Variants in RFTN1 observed in about 807,000 individuals in gnomAD.
The protein encoded by RFTN1 is raftlin, lipid raft linker 1.
RFTN1 carries 26 observed loss-of-function variants against 46.5 expected under a neutral mutation model. The observed-to-expected ratio is 0.56, with a 90% CI of 0.41 to 0.78. The LOEUF (loss-of-function observed/expected upper bound fraction) is 0.78. Among genes scored for constraint, RFTN1 ranks in the 30% least tolerant of loss-of-function variants. The pLI is 0.00. For missense variants in RFTN1, 693 were observed against 718.7 expected (o/e 0.96, Z 0.41); for synonymous variants, 261 against 284.2 (o/e 0.92, Z 0.82).
Position 16,460,243 on chromosome 3 carries a change from A to G in RFTN1, c.146-26206T>C, listed in dbSNP as rs1387455461. Among the ~76,000 whole-genome samples the G allele has an allele frequency of 6.6e-6, 1 of 152,184 alleles. No individual in the cohort carries two copies. Among genetic ancestry groups the G allele is most frequent in the Non-Finnish European group, 1.5e-5 (1 of 68,036 alleles). On this transcript the variant is annotated intron_variant, in intron 2 of 9. Transcript: ENST00000334133. This position sits in a 1 kb window ranked among gnomAD's most constrained non-coding sequence, Gnocchi z 4.8. ...TCTATTGTGTTATTTTGATATTTGT[A>G]CATTTACTGGGATCTGGCAGGATGA... is the stretch of plus-strand genomic sequence containing the variant.
At chr3:16,508,001 T>C (rs987260543) in intron 1 of RFTN1, among the ~76,000 whole-genome samples, 1 of 152,208 alleles carries the variant, frequency 6.6e-6, no homozygotes, top group African/African-American at 2.4e-5. Flanking sequence ...GCATCTGGCT[T>C]CCTGGTTGAA....
At chr3:16,388,102 A>T (rs1321534321) in intron 4 of RFTN1, among the ~76,000 whole-genome samples, 1 of 152,182 alleles carries the variant, frequency 6.6e-6, no homozygotes, top group African/African-American at 2.4e-5. Context: ...CTCAGGCCAC[A>T]TCCCAAACTC....
In RFTN1 at chr3:16,469,183, G is replaced by A. The variant is rs766822237; in HGVS notation, c.145+24542C>T. On this transcript the variant is annotated intron_variant, in intron 2 of 9. Transcript: ENST00000334133. ...GCACTAAGGTTCAAATCCTAGCTGC[G>A]CAACTCCCTAGCAGTTTTCTCATCT... 1.4e-4 allele frequency among the ~76,000 whole-genome samples: 21 copies of A among 152,230 alleles called. 1 individual carries two copies. Among genetic ancestry groups the A allele is most frequent in the African/African-American group, 2.7e-4 (11 of 41,454 alleles).
chr3:16,393,032 C>T (rs1307349308), intron 4 of RFTN1, among the ~76,000 whole-genome samples: 5 of 151,370 alleles, frequency 3.3e-5, no homozygotes, highest in African/African-American at 1.2e-4. Context: ...TGAGCACATG[C>T]TAAATGACCT....
At chr3:16,485,083 T>C (rs2076425761) in intron 2 of RFTN1, among the ~76,000 whole-genome samples, 1 of 152,204 alleles carries the variant, frequency 6.6e-6, no homozygotes, top group Non-Finnish European at 1.5e-5. Flanking sequence ...TAAACATGTA[T>C]TTAGCATAAA....
In RFTN1 at chr3:16,427,091, T is replaced by G. The variant is rs538878826; in HGVS notation, c.332+6760A>C. 1.3e-5 allele frequency among the ~76,000 whole-genome samples: 2 copies of G among 152,272 alleles called. No homozygotes were observed. Among genetic ancestry groups the G allele is most frequent in the South Asian group, 4.1e-4 (2 of 4,822 alleles). ...CTGATGTAAGCACTACACAGAAATC[T>G]TAGAGGCTGCAAGATGGCAGCCAGT... On this transcript the variant is annotated intron_variant, in intron 3 of 9. Transcript: ENST00000334133. The surrounding 1 kb of genome is among the most constrained non-coding windows in gnomAD (Gnocchi z 5.4).
intron 8 of RFTN1, among the ~76,000 whole-genome samples, chr3:16,324,009 A>G (rs1001982711): frequency 3.3e-5 from 5 of 151,948 alleles, no homozygotes; most frequent in African/African-American, 1.2e-4. Flanking sequence ...GGGAGGGGCG[A>G]CTCGTATCTT....
chr3:16,471,091 A>G (rs2076186790), intron 2 of RFTN1, among the ~76,000 whole-genome samples: 1 of 152,258 alleles, frequency 6.6e-6, no homozygotes, highest in Non-Finnish European at 1.5e-5. Flanking sequence ...AAAACCACAG[A>G]ATAAAGCAAA....
At chr3:16,396,378 TGAGA>T (rs2074470110) in intron 4 of RFTN1, among the ~76,000 whole-genome samples, 1 of 152,154 alleles carries the variant, frequency 6.6e-6, no homozygotes, top group South Asian at 2.1e-4. Flanking sequence ...GTGCACCTCT[TGAGA>T]GAAAGTGGTC....
chr3:16,374,484 G>C lies in RFTN1; in HGVS notation c.826+3234C>G, dbSNP rs1441438553. On this transcript the variant is annotated intron_variant, in intron 5 of 9. Transcript: ENST00000334133. The surrounding 1 kb of genome is among the most constrained non-coding windows in gnomAD (Gnocchi z 5.4). ...TCACATCAGGAAAGCCCAACCCCCA[G>C]GTTTTGGCCATTCACAATGAGCTGG... Among the ~76,000 whole-genome samples the C allele has an allele frequency of 6.6e-6, 1 of 152,194 alleles. No individual in the cohort carries two copies. Among genetic ancestry groups the C allele is most frequent in the South Asian group, 2.1e-4 (1 of 4,830 alleles).
chr3:16,440,546 G>A lies in RFTN1; in HGVS notation c.146-6509C>T, dbSNP rs540620334. 6.6e-6 allele frequency among the ~76,000 whole-genome samples: 1 copy of A among 152,242 alleles called. No individual in the cohort carries two copies. The highest frequency in any genetic ancestry group is 1.9e-4 in the East Asian group (1 of 5,168). On this transcript the variant is annotated intron_variant, in intron 2 of 9. Transcript: ENST00000334133. This position sits in a 1 kb window ranked among gnomAD's most constrained non-coding sequence, Gnocchi z 4.6. Reference sequence around the variant, plus strand: ...GAGTCTCATCTCCTTACTGGACAGAGGGCTTGGTGCAGATCCCAAAGCCAT... The same window carrying A: ...GAGTCTCATCTCCTTACTGGACAGAAGGCTTGGTGCAGATCCCAAAGCCAT...
rs1351986537 is a variant in RFTN1 at position 16,384,556 on chromosome 3, G to A, written c.442-6454C>T. ...AATTTCCCCCATTGTGCTTTGAGGA[G>A]AGCTGCTACACACCAGGTAAGGGAG... On this transcript the variant is annotated intron_variant, in intron 4 of 9. Transcript: ENST00000334133. The surrounding 1 kb of genome is among the most constrained non-coding windows in gnomAD (Gnocchi z 4.7). 6.6e-6 allele frequency among the ~76,000 whole-genome samples: 1 copy of A among 152,144 alleles called. No individual in the cohort carries two copies. The highest frequency in any genetic ancestry group is 1.5e-5 in the Non-Finnish European group (1 of 68,038).
intron 5 of RFTN1, among the ~76,000 whole-genome samples, chr3:16,371,558 T>C (rs1487171530): frequency 6.6e-6 from 1 of 152,364 alleles, no homozygotes; most frequent in Non-Finnish European, 1.5e-5. Flanking sequence ...TCACAAAGTC[T>C]TCTCACAGCC....
chr3:16,511,548 G>A (rs2076902474), intron 1 of RFTN1, among the ~76,000 whole-genome samples: 1 of 152,132 alleles, frequency 6.6e-6, no homozygotes, highest in African/African-American at 2.4e-5. Flanking sequence ...TAAAAAATGG[G>A]ATGGGGATAG....
rs573408128 is a variant in RFTN1, at chr3:16,467,897, G to A, written c.145+25828C>T. ...AAGAGCTTCATCCCTCACCCCACTC[G>A]TGCATTTTGGCAGCACCCACCTAAG... is the stretch of plus-strand genomic sequence containing the variant. On this transcript the variant is annotated intron_variant, in intron 2 of 9. Coordinates refer to ENST00000334133, the MANE Select transcript of RFTN1 (RefSeq NM_015150.2). Among the ~76,000 whole-genome samples the A allele has an allele frequency of 2.6e-5, 4 of 152,288 alleles. No individual in the cohort carries two copies. In the South Asian group the frequency reaches 6.2e-4, roughly 24 times the overall value.
intron 2 of RFTN1, among the ~76,000 whole-genome samples, chr3:16,445,486 C>CACACAA (rs1309446218): frequency 2.2e-5 from 3 of 138,904 alleles, no homozygotes; most frequent in Non-Finnish European, 4.6e-5. Flanking sequence ...CTCTCTCTCA[C>CACACAA]ACACACACAC....
At chr3:16,409,281 A>T in intron 4 of RFTN1, 94 bp downstream of exon 4, 1 of 826,214 alleles carries the variant, frequency 1.2e-6, no homozygotes, top group Non-Finnish European at 2.1e-6. Flanking sequence ...TGGCCTCTTG[A>T]GTGTGGCTGA....
chr3:16,338,650 G>A lies in RFTN1; in HGVS notation c.1147-11774C>T, dbSNP rs944734102. On this transcript the variant is annotated intron_variant, in intron 7 of 9. Coordinates refer to ENST00000334133, the MANE Select transcript of RFTN1 (RefSeq NM_015150.2). The surrounding 1 kb of genome is among the most constrained non-coding windows in gnomAD (Gnocchi z 5.3). ...TGGCTTTGATGAGAGAGAAAACTAGGCTTTCTGGGAGTAAATGGGACTTGC... is the reference window on the plus strand; with the variant it reads ...TGGCTTTGATGAGAGAGAAAACTAGACTTTCTGGGAGTAAATGGGACTTGC... Among the ~76,000 whole-genome samples the A allele has an allele frequency of 6.6e-6, 1 of 152,168 alleles. No individual in the cohort carries two copies. Among genetic ancestry groups the A allele is most frequent in the African/African-American group, 2.4e-5 (1 of 41,422 alleles).
Position 16,387,051 on chromosome 3 carries a change from G to A in RFTN1, c.442-8949C>T, listed in dbSNP as rs2074203676. The stretch of plus-strand genomic sequence containing the variant: ...GTCACCTGGTTCAGTGTGACCAGCA[G>A]TGAAGACCCAGAAAGCTGCTTTAAG... On this transcript the variant is annotated intron_variant, in intron 4 of 9. Transcript: ENST00000334133. This position sits in a 1 kb window ranked among gnomAD's most constrained non-coding sequence, Gnocchi z 5.2. 6.6e-6 allele frequency among the ~76,000 whole-genome samples: 1 copy of A among 152,218 alleles called. No individual in the cohort carries two copies. The highest frequency in any genetic ancestry group is 1.5e-5 in the Non-Finnish European group (1 of 68,030).
Sources: allele counts gnomAD v4.1 joint callset (sites outside exome capture counted in the v4.1 genomes callset), GRCh38; gene constraint gnomAD v4.1.1; non-coding constraint Gnocchi (gnomAD v3.1); transcripts MANE v1.5; gene names NCBI Gene and HGNC (gene_info 2026-07-23, HGNC 2026-07-21).